Variants in CLEC16A observed in about 807,000 individuals in gnomAD.
CLEC16A encodes the protein C-type lectin domain containing 16A, also known as protein CLEC16A.
Under a neutral mutation model 109.5 loss-of-function variants are expected in CLEC16A, and 51 were observed. That is an observed-to-expected ratio of 0.47 (90% CI 0.37 to 0.59). CLEC16A has a LOEUF of 0.59. Among genes scored for constraint, CLEC16A ranks in the 20% least tolerant of loss-of-function variants. CLEC16A has a pLI of 0.00. For synonymous variants in CLEC16A, 673 were observed against 564.2 expected (o/e 1.19, Z -2.73); for missense variants, 1,339 against 1,394.0 (o/e 0.96, Z 0.63).
At chr16:11,007,853 A>T (rs948892547) in intron 11 of CLEC16A, among the ~76,000 whole-genome samples, 4 of 152,124 alleles carry the variant, frequency 2.6e-5, no homozygotes, top group Non-Finnish European at 5.9e-5. Flanking sequence ...GAGAAGAAGG[A>T]TCAGCAGGCC....
At chr16:10,953,743 G>A (rs1469410957) in intron 1 of CLEC16A, among the ~76,000 whole-genome samples, 1 of 152,238 alleles carries the variant, frequency 6.6e-6, no homozygotes, top group East Asian at 1.9e-4. Context: ...TTGGGAGGCT[G>A]AGGTACGTGG....
intron 19 of CLEC16A, among the ~76,000 whole-genome samples, chr16:11,107,122 C>T (rs960494923): frequency 2.6e-5 from 4 of 152,246 alleles, no homozygotes; most frequent in African/African-American, 9.6e-5. Flanking sequence ...CAGTGAACAG[C>T]TCAAACCTTA....
intron 19 of CLEC16A, among the ~76,000 whole-genome samples, chr16:11,082,890 C>G (rs757215577): frequency 6.6e-6 from 1 of 152,214 alleles, no homozygotes; most frequent in Non-Finnish European, 1.5e-5. Context: ...TGTGCATCAA[C>G]AGCTTCTCCA....
At chr16:10,971,008 A>AT (rs35498388) in intron 4 of CLEC16A, 117 bp from the exon 5 acceptor site, 17,833 of 505,774 alleles carry the variant, frequency 0.035, 94 homozygotes, top group Non-Finnish European at 0.039. Context: ...CATTGGCAAC[A>AT]TTTTTTTTTT....
At chr16:11,073,029 G>C (rs565850384) in intron 19 of CLEC16A, among the ~76,000 whole-genome samples, 2 of 152,272 alleles carry the variant, frequency 1.3e-5, no homozygotes, top group African/African-American at 4.8e-5. Flanking sequence ...ATGGCTCCTT[G>C]GGGGCAATTT....
intron 3 of CLEC16A, among the ~76,000 whole-genome samples, chr16:10,962,872 A>G (rs1239171348): frequency 6.6e-6 from 1 of 152,148 alleles, no homozygotes; most frequent in African/African-American, 2.4e-5. Flanking sequence ...AGCCTGGACA[A>G]CAAGGTGAAA....
intron 3 of CLEC16A, among the ~76,000 whole-genome samples, chr16:10,965,269 G>C (rs959226838): frequency 1.3e-5 from 2 of 152,196 alleles, no homozygotes; most frequent in African/African-American, 4.8e-5. Flanking sequence ...ATCATTGCAC[G>C]TTTACAGAAC....
In CLEC16A at chr16:11,036,544, C is replaced by CT. The variant is rs71404440; in HGVS notation, c.1538-3188dup. On this transcript the variant is annotated intron_variant, in intron 13 of 23. Transcript: ENST00000409790. ...CTTGTGTTCTTTTGTTCTAATTTTC[C>CT]TTTTTTTTTTTTTTTTTTTTTTGAG... Among the ~76,000 whole-genome samples, 730 of 131,818 alleles carry CT rather than the reference C, an allele frequency of 5.5e-3. 2 individuals are homozygous for CT. Among genetic ancestry groups the CT allele is most frequent in the Non-Finnish European group, 7.8e-3 (489 of 62,598 alleles). The allele number at this position is 131,818 out of a possible 152,430, so 86.5% of individuals were successfully genotyped here.
chr16:11,177,128 C>T (rs1371036320), intron 23 of CLEC16A, among the ~76,000 whole-genome samples: 1 of 152,222 alleles, frequency 6.6e-6, no homozygotes, highest in Non-Finnish European at 1.5e-5. Flanking sequence ...ACCCCCAGCT[C>T]TGTGCAAATG....
At chr16:11,049,371 A>G (rs1567244246) in intron 17 of CLEC16A, among the ~76,000 whole-genome samples, 2 of 152,128 alleles carry the variant, frequency 1.3e-5, no homozygotes, top group Admixed American at 1.3e-4. Flanking sequence ...TGTATATGAA[A>G]TAGCCAACAA....
intron 19 of CLEC16A, among the ~76,000 whole-genome samples, chr16:11,110,133 A>G (rs961347338): frequency 6.6e-6 from 1 of 152,188 alleles, no homozygotes; most frequent in African/African-American, 2.4e-5. Context: ...GAGCTAAAAG[A>G]ACAGTTGATT....
chr16:10,951,886 T>C (rs996164999), intron 1 of CLEC16A, among the ~76,000 whole-genome samples: 3 of 152,240 alleles, frequency 2.0e-5, no homozygotes, highest in Admixed American at 2.0e-4. Flanking sequence ...CTTAATGCCC[T>C]TCAAAAGAGT....
chr16:11,141,909 G>A lies in CLEC16A; in HGVS notation c.2641+15763G>A, dbSNP rs559698622. Among the ~76,000 whole-genome samples, 13 of 152,326 alleles carry A rather than the reference G, an allele frequency of 8.5e-5. 1 individual carries two copies. The South Asian group carries it at 2.7e-3, about 32-fold the overall frequency. On this transcript the variant is annotated intron_variant, in intron 22 of 23. Coordinates refer to ENST00000409790, the MANE Select transcript of CLEC16A (RefSeq NM_015226.3). ...GTGAGGTGGGAGAGGCTTGAGAGGT[G>A]AGCTGACCAGCGCAGGTCACACAAC...
At chr16:11,042,970 A>G (rs969436378) in intron 15 of CLEC16A, among the ~76,000 whole-genome samples, 1 of 151,306 alleles carries the variant, frequency 6.6e-6, no homozygotes, top group African/African-American at 2.4e-5. Flanking sequence ...GTATATTTAC[A>G]TATGTAATAT....
At chr16:11,088,298 C>T (rs997253216) in intron 19 of CLEC16A, among the ~76,000 whole-genome samples, 6 of 152,218 alleles carry the variant, frequency 3.9e-5, no homozygotes, top group African/African-American at 1.4e-4. Flanking sequence ...CCCAAGCATC[C>T]ACAGCTAGGA....
chr16:11,016,142 A>T (rs1239497538), intron 11 of CLEC16A, among the ~76,000 whole-genome samples: 1 of 152,164 alleles, frequency 6.6e-6, no homozygotes, highest in Non-Finnish European at 1.5e-5. Context: ...ATAGATTTTA[A>T]AAGATGAGAA....
At chr16:11,129,819 G>A (rs528718278) in intron 22 of CLEC16A, among the ~76,000 whole-genome samples, 21 of 148,908 alleles carry the variant, frequency 1.4e-4, no homozygotes, top group Admixed American at 8.0e-4. Flanking sequence ...CTGGGGTGCA[G>A]TGGCACAGTC....
At chr16:11,050,951 C>A (rs1023091787) in intron 17 of CLEC16A, among the ~76,000 whole-genome samples, 6 of 152,240 alleles carry the variant, frequency 3.9e-5, no homozygotes, top group Admixed American at 6.5e-5. Context: ...TGTCTTGGCT[C>A]TGCCACCCAC....
At chr16:11,017,927 T>C (rs990261884) in intron 11 of CLEC16A, among the ~76,000 whole-genome samples, 2 of 150,612 alleles carry the variant, frequency 1.3e-5, no homozygotes, top group Non-Finnish European at 3.0e-5. Flanking sequence ...AAAAAAGACA[T>C]TGGGAAAAAC....
Sources: gnomAD v4.1 joint callset for allele counts (sites outside exome capture counted in the v4.1 genomes callset) on GRCh38, gnomAD v4.1.1 for gene constraint, MANE v1.5 for transcripts, NCBI Gene and HGNC (gene_info 2026-07-23, HGNC 2026-07-21) for gene names.